The following LYRM4 variants were observed in gnomAD, a reference collection of about 807,000 sequenced individuals.
LYRM4 encodes the protein LYR motif-containing protein 4.
LYRM4 carries 9 observed loss-of-function variants against 11.7 expected under a neutral mutation model. The ratio of observed to expected loss-of-function variants is 0.77; its 90% confidence interval spans 0.46 to 1.34. LYRM4 has a LOEUF of 1.34. Among genes scored for constraint, LYRM4 ranks in the 40% most tolerant of loss-of-function variants. The pLI is 0.00. For synonymous variants in LYRM4, 42 were observed against 40.4 expected (o/e 1.04, Z -0.15); for missense variants, 133 against 112.5 (o/e 1.18, Z -0.82).
At chr6:5,212,174 A>G (rs1269751913) in intron 2 of LYRM4, among the ~76,000 whole-genome samples, 1 of 152,222 alleles carries the variant, frequency 6.6e-6, no homozygotes, top group Non-Finnish European at 1.5e-5. Context: ...GACACAAAAC[A>G]AGGTACACTA....
At chr6:5,154,868 G>C (rs1758315926) in intron 2 of LYRM4, among the ~76,000 whole-genome samples, 1 of 152,130 alleles carries the variant, frequency 6.6e-6, no homozygotes, top group African/African-American at 2.4e-5. Context: ...GATTCACAAA[G>C]GTGCAGTAAC....
intron 2 of LYRM4, among the ~76,000 whole-genome samples, chr6:5,207,004 C>A (rs150431274): frequency 3.5e-4 from 54 of 152,296 alleles, no homozygotes; most frequent in Middle Eastern, 3.4e-3. Flanking sequence ...GGTGCTCCTT[C>A]GCCTTTAGTA....
At chr6:5,210,268 T>C (rs1390787981) in intron 2 of LYRM4, among the ~76,000 whole-genome samples, 1 of 152,142 alleles carries the variant, frequency 6.6e-6, no homozygotes, top group Non-Finnish European at 1.5e-5. Context: ...GGACAGATAT[T>C]TATGTGAATG....
the LYRM4 span, among the ~76,000 whole-genome samples, chr6:5,064,062 T>G: frequency 6.6e-6 from 1 of 152,220 alleles, no homozygotes; most frequent in African/African-American, 2.4e-5. Context: ...TAGCACTTCC[T>G]GGGAGCCCAT....
intron 1 of LYRM4, among the ~76,000 whole-genome samples, chr6:5,247,673 A>G (rs1017597818): frequency 2.0e-5 from 3 of 152,252 alleles, no homozygotes; most frequent in African/African-American, 7.2e-5. Flanking sequence ...AACTTGGAAT[A>G]AACTAGGCCA....
rs553214592 is a variant in LYRM4, at chr6:5,251,164, G to A, written c.86+9484C>T. 9.9e-5 allele frequency among the ~76,000 whole-genome samples: 15 copies of A among 152,180 alleles called. No individual in the cohort carries two copies. The South Asian group carries it at 2.9e-3, about 29-fold the overall frequency. On this transcript the variant is annotated intron_variant, in intron 1 of 2. Coordinates refer to ENST00000330636, the MANE Select transcript of LYRM4 (RefSeq NM_020408.6). ...TCCACCTATTACTAGGTTCTAGTGT[G>A]GTAATATATACATACACACACACAC...
At chr6:5,245,079 AG>A (rs1224972776) in intron 1 of LYRM4, among the ~76,000 whole-genome samples, 3 of 109,370 alleles carry the variant, frequency 2.7e-5, no homozygotes. Flanking sequence ...CTTTATTTGC[AG>A]GAAGACCTTA....
At chr6:5,149,375 A>G (rs993786520) in intron 2 of LYRM4, among the ~76,000 whole-genome samples, 3 of 152,152 alleles carry the variant, frequency 2.0e-5, no homozygotes, top group Non-Finnish European at 4.4e-5. Context: ...CAGGACACAG[A>G]TATCAAGGAT....
intron 1 of LYRM4, among the ~76,000 whole-genome samples, chr6:5,222,285 C>G (rs1413909939): frequency 6.6e-6 from 1 of 151,948 alleles, no homozygotes; most frequent in East Asian, 1.9e-4. Context: ...TACCAATAAC[C>G]AATAATGAAA....
chr6:5,051,556 AC>A, the LYRM4 span, among the ~76,000 whole-genome samples: 2 of 152,186 alleles, frequency 1.3e-5, no homozygotes, highest in African/African-American at 2.4e-5. Flanking sequence ...ACAAAACAAA[AC>A]AAAAGTGTTG....
chr6:5,039,059 GT>G, the LYRM4 span, among the ~76,000 whole-genome samples: 3 of 152,108 alleles, frequency 2.0e-5, no homozygotes, highest in Non-Finnish European at 4.4e-5. Context: ...AAAATTTAAG[GT>G]TGCCTGATAT....
intron 2 of LYRM4, among the ~76,000 whole-genome samples, chr6:5,200,746 T>C (rs1561866537): frequency 2.0e-5 from 3 of 152,210 alleles, no homozygotes; most frequent in African/African-American, 4.8e-5. Flanking sequence ...CTGCACACTG[T>C]CATCACTTCG....
downstream of LYRM4, chr6:5,104,009 T>C (rs915082010): frequency 6.6e-6 from 1 of 152,010 alleles, no homozygotes; most frequent in Non-Finnish European, 1.5e-5. Context: ...AAAAAGCTAA[T>C]TTTCTACAAA....
intron 2 of LYRM4, among the ~76,000 whole-genome samples, chr6:5,152,379 G>A (rs1277263066): frequency 2.0e-5 from 3 of 152,164 alleles, no homozygotes; most frequent in Admixed American, 2.0e-4. Flanking sequence ...CACAAACAAT[G>A]AATGACACAC....
intron 2 of LYRM4, among the ~76,000 whole-genome samples, chr6:5,147,545 C>T (rs1045859558): frequency 1.3e-5 from 2 of 152,096 alleles, no homozygotes; most frequent in Non-Finnish European, 2.9e-5. Context: ...ATATACTGGC[C>T]CTAGGTAAGT....
At chr6:5,199,599 C>T (rs1375796515) in intron 2 of LYRM4, among the ~76,000 whole-genome samples, 2 of 152,192 alleles carry the variant, frequency 1.3e-5, no homozygotes, top group Non-Finnish European at 2.9e-5. Context: ...ACAGTCACTA[C>T]CAGACTGAAA....
intron 2 of LYRM4, among the ~76,000 whole-genome samples, chr6:5,197,126 T>A (rs1561863745): frequency 6.6e-6 from 1 of 152,162 alleles, no homozygotes; most frequent in Admixed American, 6.5e-5. Flanking sequence ...GTGAGATTAC[T>A]GAAACAGATG....
chr6:5,053,463 A>G, the LYRM4 span, among the ~76,000 whole-genome samples: 1 of 151,874 alleles, frequency 6.6e-6, no homozygotes. Context: ...GAAGAGGGAG[A>G]GATGGAAAGA....
chr6:5,199,037 C>G (rs895831215), intron 2 of LYRM4, among the ~76,000 whole-genome samples: 1 of 152,168 alleles, frequency 6.6e-6, no homozygotes, highest in Admixed American at 6.5e-5. Context: ...CCATATGACC[C>G]AGCCATTCCA....
Sources: allele counts gnomAD v4.1 joint callset (sites outside exome capture counted in the v4.1 genomes callset), GRCh38; gene constraint gnomAD v4.1.1; transcripts MANE v1.5; gene names NCBI Gene and HGNC (gene_info 2026-07-23, HGNC 2026-07-21).